PEX11G: variants seen among roughly 807,000 people sequenced by gnomAD.
PEX11G encodes peroxisomal biogenesis factor 11 gamma, also known as peroxisomal membrane protein 11C.
In PEX11G, 20 loss-of-function variants were observed where a neutral mutation model predicts 22.5. That is an observed-to-expected ratio of 0.89 (90% CI 0.62 to 1.29). The LOEUF is 1.29. PEX11G is among the 50% of genes most tolerant of loss of function. PEX11G has a pLI of 0.00. For missense variants in PEX11G, 347 were observed against 331.3 expected (o/e 1.05, Z -0.37); for synonymous variants, 141 against 154.5 (o/e 0.91, Z 0.65).
intron 1 of PEX11G, among the ~76,000 whole-genome samples, chr19:7,488,358 C>A (rs747892792): frequency 5.9e-5 from 9 of 152,240 alleles, no homozygotes; most frequent in Non-Finnish European, 2.9e-5. Flanking sequence ...GAATGTCCAG[C>A]CACAGGGGAG....
At chr19:7,485,603 C>T in intron 2 of PEX11G, among the ~76,000 whole-genome samples, 1 of 152,108 alleles carries the variant, frequency 6.6e-6, no homozygotes, top group Admixed American at 6.6e-5. Flanking sequence ...GATCCGCTCG[C>T]CTCAGCCTCC....
At chr19:7,481,016 G>A (rs1001455887) in intron 3 of PEX11G, among the ~76,000 whole-genome samples, 2 of 152,080 alleles carry the variant, frequency 1.3e-5, no homozygotes, top group South Asian at 2.1e-4. Context: ...TGACAGCAAC[G>A]CCAGCAAGAC....
In PEX11G at chr19:7,488,983, CCGACGCCAGGCCGCTCAG is replaced by C. The variant is rs2021797221; in HGVS notation, c.10_27del (p.Leu4_Ser9del). 6.4e-7 allele frequency: 1 copy of C among 1,550,524 alleles called. No homozygotes were observed. The highest frequency in any genetic ancestry group is 1.4e-5 in the African/African-American group (1 of 72,040). On this transcript the variant is annotated inframe_deletion, in exon 1 of 5. Coordinates refer to ENST00000221480, the MANE Select transcript of PEX11G (RefSeq NM_080662.4). ...TCCCGGCCCCTGTACGACTCCAGCG[CCGACGCCAGGCCGCTCAG>C]CGACGCCATGGCAACTCCGTGACGT...
intron 1 of PEX11G, among the ~76,000 whole-genome samples, chr19:7,494,953 C>G (rs2021951506): frequency 6.6e-6 from 1 of 152,072 alleles, no homozygotes; most frequent in Non-Finnish European, 1.5e-5. Flanking sequence ...CAGCTTTAGT[C>G]TTCTGACTTC....
At position 7,477,361 on chromosome 19, in the gene PEX11G, C is replaced by T; in HGVS notation, c.567G>A (p.Leu189=). 6.4e-7 allele frequency: 1 copy of T among 1,558,640 alleles called. No individual in the cohort carries two copies. Among genetic ancestry groups the T allele is most frequent in the South Asian group, 1.2e-5 (1 of 84,478 alleles). ...AGTGCACGGCGTTGGCCAGGTCGGC[C>T]AGGTTGCTGAGAAGTGACAGCGCCT... is the stretch of plus-strand genomic sequence containing the variant. The part of the protein sequence containing the change: ...QSEALSLLSN[L]ADLANAVHWL... Residue 189 remains leucine (L), a synonymous_variant, in exon 5 of 5, where the codon CTG becomes CTA. Coordinates refer to ENST00000221480, the MANE Select transcript of PEX11G (RefSeq NM_080662.4).
chr19:7,482,346 G>A (rs1365279219), intron 2 of PEX11G, 135 bp from the exon 3 acceptor site: 10 of 1,036,150 alleles, frequency 9.7e-6, no homozygotes, highest in South Asian at 5.2e-5. Flanking sequence ...GGCAGGCCCC[G>A]CGGGAGAAAG....
intron 1 of PEX11G, among the ~76,000 whole-genome samples, chr19:7,487,010 A>G (rs2021690431): frequency 6.6e-6 from 1 of 151,358 alleles, no homozygotes; most frequent in South Asian, 2.1e-4. Context: ...TCGTGCTACT[A>G]CACTCCAGCC....
At chr19:7,486,119 A>G in intron 1 of PEX11G, 93 bp from the exon 2 acceptor site, 1 of 1,066,690 alleles carries the variant, frequency 9.4e-7, no homozygotes. Flanking sequence ...CGCTGGATTG[A>G]GAGTGTGGAA....
At position 7,488,981 on chromosome 19, in the gene PEX11G, C is replaced by G. The variant is rs370126434; in HGVS notation, c.30G>C (p.Ala10=). Residue 10 remains alanine (A), a synonymous_variant, in exon 1 of 5, where the codon GCG becomes GCC. Transcript: ENST00000221480. The part of the protein sequence containing the change: MASLSGLAS[A]LESYRGRDRL... Reference sequence around the variant, plus strand: ...GGTCCCGGCCCCTGTACGACTCCAGCGCCGACGCCAGGCCGCTCAGCGACG... The same window carrying G: ...GGTCCCGGCCCCTGTACGACTCCAGGGCCGACGCCAGGCCGCTCAGCGACG... The G allele has an allele frequency of 2.6e-6, 4 of 1,550,850 alleles. No homozygotes were observed. Among genetic ancestry groups the G allele is most frequent in the Non-Finnish European group, 3.5e-6 (4 of 1,150,600 alleles).
At chr19:7,478,665 C>T (rs1391315303) in intron 3 of PEX11G, among the ~76,000 whole-genome samples, 1 of 152,234 alleles carries the variant, frequency 6.6e-6, no homozygotes. Context: ...AAAGGAACAT[C>T]AAGCCCCGTG....
upstream of PEX11G, among the ~76,000 whole-genome samples, chr19:7,491,430 C>T (rs376287421): frequency 2.6e-4 from 39 of 151,622 alleles, no homozygotes; most frequent in East Asian, 7.8e-4. Context: ...CCACCACACC[C>T]GGCTAATTTT....
chr19:7,478,893 C>T (rs1977362625), intron 3 of PEX11G, among the ~76,000 whole-genome samples: 1 of 152,204 alleles, frequency 6.6e-6, no homozygotes. Flanking sequence ...CCAGGGCTGG[C>T]ATCTGCAGGC....
upstream of PEX11G, among the ~76,000 whole-genome samples, chr19:7,493,266 C>T (rs774235723): frequency 9.9e-5 from 15 of 151,744 alleles, no homozygotes; most frequent in Non-Finnish European, 1.5e-5. Context: ...GATTTCGGCT[C>T]ACTGCCATCT....
Position 7,477,077 on chromosome 19 carries a change from A to T in PEX11G, c.*125T>A. ...GGACCTCGCATCAGTCCCTCCACCC[A>T]CCCTGCCCATGGGTTTCACCACAGG... On this transcript the variant is annotated 3_prime_UTR_variant, in exon 5 of 5. Coordinates refer to ENST00000221480, the MANE Select transcript of PEX11G (RefSeq NM_080662.4). The T allele has an allele frequency of 1.1e-6, 1 of 911,224 alleles. No individual in the cohort carries two copies. 56.4% of individuals were successfully genotyped at this position (911,224 alleles called of 1,614,324 possible).
chr19:7,480,392 G>A (rs553258498), intron 3 of PEX11G, among the ~76,000 whole-genome samples: 155 of 152,320 alleles, frequency 1.0e-3, no homozygotes, highest in African/African-American at 3.4e-3. Flanking sequence ...GGAGCCCCAG[G>A]AACATCCAGG....
rs576748839 is a variant in PEX11G, at chr19:7,477,135, C to A, written c.*67G>T. The stretch of plus-strand genomic sequence containing the variant: ...ATGAGAGCCCCGGCCCCTGCCCTGG[C>A]GGCTTCTGCTTTGCGGGAAGGGCCC... On this transcript the variant is annotated 3_prime_UTR_variant, in exon 5 of 5. Transcript: ENST00000221480. 7.4e-7 allele frequency: 1 copy of A among 1,351,600 alleles called. No homozygotes were observed. The highest frequency in any genetic ancestry group is 9.7e-7 in the Non-Finnish European group (1 of 1,033,706). 83.7% of individuals were successfully genotyped at this position (1,351,600 alleles called of 1,614,324 possible). A position where few individuals can be genotyped will look rare whatever the true frequency, so the allele number is the denominator to read the frequency against.
At chr19:7,488,860 G>T in intron 1 of PEX11G, 91 bp downstream of exon 1, 1 of 1,354,598 alleles carries the variant, frequency 7.4e-7, no homozygotes, top group Non-Finnish European at 1.0e-6. Flanking sequence ...GGAGTATCCT[G>T]GGCGACCCCG....
chr19:7,478,121 G>A (rs759119369), intron 4 of PEX11G, among the ~76,000 whole-genome samples, 193 bp downstream of exon 4: 1 of 152,252 alleles, frequency 6.6e-6, no homozygotes, highest in Admixed American at 6.5e-5. Context: ...CTCAGCCCTG[G>A]AGTCCCCGCT....
upstream of PEX11G, chr19:7,490,973 G>T (rs1038057187): frequency 6.6e-6 from 1 of 151,766 alleles, no homozygotes; most frequent in East Asian, 1.9e-4. Flanking sequence ...TGTAGAAATG[G>T]AGTCTTACCA....
Sources: allele counts gnomAD v4.1 joint callset (sites outside exome capture counted in the v4.1 genomes callset), GRCh38; gene constraint gnomAD v4.1.1; transcripts MANE v1.5; gene names NCBI Gene and HGNC (gene_info 2026-07-23, HGNC 2026-07-21).